CNTN4: variants seen among roughly 807,000 people sequenced by gnomAD.
The protein encoded by CNTN4 is contactin-4.
A neutral mutation model predicts 122.5 loss-of-function variants in CNTN4; 77 were observed. That is an observed-to-expected ratio of 0.63 (90% confidence interval 0.52 to 0.76). The LOEUF (loss-of-function observed/expected upper bound fraction) is 0.76. CNTN4 is among the 30% of genes least tolerant of loss of function. The pLI, the probability that CNTN4 is intolerant of heterozygous loss-of-function variation, is 0.00. For missense variants in CNTN4, 1,256 were observed against 1,259.1 expected, an observed-to-expected ratio of 1.00 and a Z score of 0.04; for synonymous variants, 512 against 447.0, an observed-to-expected ratio of 1.15 and a Z score of -1.83.
intron 6 of CNTN4, among the ~76,000 whole-genome samples, chr3:2,769,769 A>G (rs1296468733): frequency 6.6e-6 from 1 of 152,216 alleles, no homozygotes; most frequent in African/African-American, 2.4e-5. Flanking sequence ...GTGGCAAGTA[A>G]AAATGCTTCT....
At chr3:2,327,257 G>C (rs932096913) in intron 2 of CNTN4, among the ~76,000 whole-genome samples, 11 of 151,978 alleles carry the variant, frequency 7.2e-5, no homozygotes, top group African/African-American at 2.4e-4. Context: ...TTTGTGCATG[G>C]ATTTCCAAAT....
chr3:3,037,571 T>G, intron 18 of CNTN4: 1 of 515,524 alleles, frequency 1.9e-6, no homozygotes. Flanking sequence ...CGGTGCTTAG[T>G]CCTCTCAAAA....
chr3:2,561,354 A>T (rs556573586), intron 3 of CNTN4, among the ~76,000 whole-genome samples: 1 of 152,154 alleles, frequency 6.6e-6, no homozygotes, highest in African/African-American at 2.4e-5. Flanking sequence ...TGCTCTGGTG[A>T]TAGAAGCTTT....
chr3:2,746,311 A>C, intron 6 of CNTN4, among the ~76,000 whole-genome samples: 1 of 152,234 alleles, frequency 6.6e-6, no homozygotes, highest in East Asian at 1.9e-4. Context: ...ACATGGAGAC[A>C]AAGTGTTATC....
intron 10 of CNTN4, among the ~76,000 whole-genome samples, chr3:2,898,207 C>CAT (rs1358974891): frequency 6.6e-6 from 1 of 152,178 alleles, no homozygotes; most frequent in African/African-American, 2.4e-5. Context: ...CTCTTTGTCA[C>CAT]ATATATAATA....
chr3:2,999,788 T>C (rs563041239), intron 14 of CNTN4, among the ~76,000 whole-genome samples: 1 of 152,206 alleles, frequency 6.6e-6, no homozygotes, highest in Admixed American at 6.5e-5. Flanking sequence ...TGTTTCAACA[T>C]GAATTTTGGA....
rs561792799 is a variant in CNTN4 at position 2,368,177 on chromosome 3, G to C, written c.-89+28944G>C. 7.9e-4 allele frequency among the ~76,000 whole-genome samples: 118 copies of C among 149,100 alleles called. 1 individual carries two copies. Among genetic ancestry groups the C allele is most frequent in the African/African-American group, 1.7e-3 (66 of 39,572 alleles). ...CCTCCCGAGTAGCTGGGACTACAGG[G>C]CCCGCCACCACGCCCAGCTAATTTT... On this transcript the variant is annotated intron_variant, in intron 3 of 24. Coordinates refer to ENST00000418658, the MANE Select transcript of CNTN4 (RefSeq NM_175607.3).
intron 2 of CNTN4, among the ~76,000 whole-genome samples, chr3:2,139,750 A>G (rs1027782930): frequency 4.6e-5 from 7 of 152,146 alleles, no homozygotes; most frequent in African/African-American, 1.7e-4. Context: ...GGGAAAAACT[A>G]TGCCAGTGTG....
chr3:2,215,410 A>G (rs1476876114), intron 2 of CNTN4, among the ~76,000 whole-genome samples: 2 of 152,126 alleles, frequency 1.3e-5, no homozygotes, highest in African/African-American at 2.4e-5. Context: ...TCTTTTTGGG[A>G]AACCACAGCA....
chr3:2,163,228 A>C (rs1382068225), intron 2 of CNTN4, among the ~76,000 whole-genome samples: 1 of 152,228 alleles, frequency 6.6e-6, no homozygotes, highest in Admixed American at 6.5e-5. Flanking sequence ...TCTTCAACAA[A>C]GCATACAAAA....
chr3:2,983,688 T>A (rs1400388210), intron 13 of CNTN4, among the ~76,000 whole-genome samples: 4 of 152,210 alleles, frequency 2.6e-5, no homozygotes, highest in Non-Finnish European at 5.9e-5. Flanking sequence ...AGATTAACTT[T>A]CCCAAAGTCA....
chr3:2,489,858 G>A (rs1263306468), intron 3 of CNTN4, among the ~76,000 whole-genome samples: 1 of 152,022 alleles, frequency 6.6e-6, no homozygotes. Flanking sequence ...AAGAATGCTG[G>A]GGAGAGCCCA....
chr3:2,424,752 G>A (rs900277287), intron 3 of CNTN4, among the ~76,000 whole-genome samples: 4 of 152,102 alleles, frequency 2.6e-5, no homozygotes, highest in East Asian at 1.9e-4. Context: ...TTTAATGATC[G>A]CCATTCTAAC....
intron 4 of CNTN4, among the ~76,000 whole-genome samples, chr3:2,666,189 A>T (rs2084150510): frequency 6.6e-6 from 1 of 152,214 alleles, no homozygotes; most frequent in Non-Finnish European, 1.5e-5. Context: ...TTGTTATCCA[A>T]GCCAATAAAT....
At chr3:2,822,793 A>T (rs1484305130) in intron 7 of CNTN4, among the ~76,000 whole-genome samples, 1 of 152,122 alleles carries the variant, frequency 6.6e-6, no homozygotes, top group Non-Finnish European at 1.5e-5. Flanking sequence ...ATAGACATCT[A>T]CTGAAATGCA....
chr3:3,052,631 G>C (rs1468671330), intron 23 of CNTN4, among the ~76,000 whole-genome samples: 1 of 152,166 alleles, frequency 6.6e-6, no homozygotes, highest in East Asian at 1.9e-4. Context: ...AATCACAGCA[G>C]GCAATCCCAG....
rs1385659480 is a variant in CNTN4 at position 2,599,391 on chromosome 3, T to G, written c.55+27833T>G. On this transcript the variant is annotated intron_variant, in intron 4 of 24. Transcript: ENST00000418658. ...TGTTGACTAACATGTAGCATTGCCA[T>G]CTCCAATCCTTGGGGATTTATTTTT... is the stretch of plus-strand genomic sequence containing the variant. Among the ~76,000 whole-genome samples, 3 of 152,242 alleles carry G rather than the reference T, an allele frequency of 2.0e-5. No individual in the cohort carries two copies. The East Asian group carries it at 5.8e-4, about 29-fold the overall frequency.
At chr3:2,677,492 A>G (rs2084933563) in intron 4 of CNTN4, among the ~76,000 whole-genome samples, 1 of 86,192 alleles carries the variant, frequency 1.2e-5, no homozygotes, top group Non-Finnish European at 2.5e-5. Flanking sequence ...ATATCTATCT[A>G]TCTATCTATC....
chr3:2,363,542 G>C (rs1434268844), intron 3 of CNTN4, among the ~76,000 whole-genome samples: 10 of 152,144 alleles, frequency 6.6e-5, no homozygotes, highest in Non-Finnish European at 1.3e-4. Flanking sequence ...ATGTGAGGTA[G>C]ACATTATTAT....
Sources: gnomAD v4.1 joint callset for allele counts (sites outside exome capture counted in the v4.1 genomes callset) on GRCh38, gnomAD v4.1.1 for gene constraint, MANE v1.5 for transcripts, NCBI Gene and HGNC (gene_info 2026-07-23, HGNC 2026-07-21) for gene names.